Variants in EML4 observed in about 807,000 individuals in gnomAD.
The protein encoded by EML4 is EMAP like 4.
A neutral mutation model predicts 129.0 loss-of-function variants in EML4; 72 were observed. That is an observed-to-expected ratio of 0.56 (90% CI 0.46 to 0.68). The LOEUF (loss-of-function observed/expected upper bound fraction) is 0.68, where lower values mean the gene tolerates loss of function less well. Among genes scored for constraint, EML4 ranks in the 30% least tolerant of loss-of-function variants. The probability of loss-of-function intolerance (pLI) is 0.00; values close to 1 mark genes in which losing one functional copy is unlikely to be tolerated. For missense variants in EML4, 1,363 were observed against 1,190.6 expected, an observed-to-expected ratio of 1.14 and a Z score of -2.13; for synonymous variants, 532 against 405.0, an observed-to-expected ratio of 1.31 and a Z score of -3.77.
At chr2:42,215,561 A>AT (rs1331911671) in intron 1 of EML4, among the ~76,000 whole-genome samples, 17 of 151,992 alleles carry the variant, frequency 1.1e-4, no homozygotes, top group Admixed American at 9.2e-4. Context: ...AAAAAAAAAA[A>AT]TTTTGCAGTG....
intron 1 of EML4, among the ~76,000 whole-genome samples, chr2:42,216,174 C>T (rs1412260227): frequency 6.8e-6 from 1 of 145,994 alleles, no homozygotes; most frequent in Non-Finnish European, 1.5e-5. Flanking sequence ...CCTGCCTCGG[C>T]GTCCCAAACC....
At chr2:42,218,344 A>G (rs773803276) in intron 1 of EML4, among the ~76,000 whole-genome samples, 22 of 152,014 alleles carry the variant, frequency 1.4e-4, no homozygotes, top group Non-Finnish European at 2.9e-5. Flanking sequence ...CTGATTCTAC[A>G]TTATAGTGAG....
chr2:42,238,296 T>A (rs993599113), intron 1 of EML4, among the ~76,000 whole-genome samples: 4 of 152,224 alleles, frequency 2.6e-5, no homozygotes, highest in Admixed American at 2.6e-4. Flanking sequence ...GGTCCTCATT[T>A]TAGAGACTTC....
At chr2:42,293,721 C>T (rs944970846) in intron 11 of EML4, among the ~76,000 whole-genome samples, 2 of 152,190 alleles carry the variant, frequency 1.3e-5, no homozygotes, top group Non-Finnish European at 2.9e-5. Flanking sequence ...AAGCAATTCT[C>T]TGCCTCAGCC....
At chr2:42,315,352 T>A (rs1669186431) in intron 17 of EML4, among the ~76,000 whole-genome samples, 1 of 152,226 alleles carries the variant, frequency 6.6e-6, no homozygotes, top group Non-Finnish European at 1.5e-5. Context: ...ACTTAGTGTC[T>A]TCTTCAAGAA....
At chr2:42,326,832 A>C (rs1056935619) in intron 21 of EML4, among the ~76,000 whole-genome samples, 1 of 152,176 alleles carries the variant, frequency 6.6e-6, no homozygotes, top group African/African-American at 2.4e-5. Context: ...CAGTGAGCTG[A>C]GATTGTGCCA....
chr2:42,318,879 A>T (rs7588929), intron 19 of EML4, among the ~76,000 whole-genome samples: 91,401 of 151,616 alleles, frequency 0.6, 28,840 homozygotes, highest in African/African-American at 0.79. Flanking sequence ...TCACTTTTTT[A>T]ATTTTTCATA....
chr2:42,264,611 C>T (rs35132936), intron 5 of EML4, 95 bp from the exon 6 acceptor site: 227,418 of 749,756 alleles, frequency 0.3, 38,175 homozygotes, highest in East Asian at 0.56. Flanking sequence ...AGATTATAGC[C>T]TAAGCATTAA....
intron 19 of EML4, among the ~76,000 whole-genome samples, chr2:42,322,637 CAAT>C (rs1179559321): frequency 6.6e-6 from 1 of 152,304 alleles, no homozygotes; most frequent in Admixed American, 6.5e-5. Context: ...TATTTAATGA[CAAT>C]AATGAAAGGG....
intron 6 of EML4, 64 bp downstream of exon 6, chr2:42,264,795 AAAG>A: frequency 1.4e-6 from 2 of 1,429,236 alleles, no homozygotes; most frequent in African/African-American, 1.4e-5. Context: ...TGCTAATTGA[AAAG>A]AATATTTTCA....
intron 1 of EML4, among the ~76,000 whole-genome samples, chr2:42,231,666 A>G (rs954665309): frequency 1.3e-5 from 2 of 151,902 alleles, no homozygotes; most frequent in African/African-American, 4.8e-5. Flanking sequence ...TTATCCCTTT[A>G]TGGCTGGGCA....
intron 1 of EML4, among the ~76,000 whole-genome samples, chr2:42,193,875 A>C (rs991837082): frequency 1.3e-5 from 2 of 152,088 alleles, no homozygotes; most frequent in Non-Finnish European, 2.9e-5. Context: ...TTGTAGAGAC[A>C]GGATCTCACT....
chr2:42,244,386 C>T (rs958782649), intron 1 of EML4, among the ~76,000 whole-genome samples: 1 of 152,102 alleles, frequency 6.6e-6, no homozygotes, highest in African/African-American at 2.4e-5. Flanking sequence ...CATGAGCCAC[C>T]GCGCCCAGCC....
chr2:42,197,549 C>G (rs1322598866), intron 1 of EML4, among the ~76,000 whole-genome samples: 1 of 150,454 alleles, frequency 6.6e-6, no homozygotes, highest in Non-Finnish European at 1.5e-5. Flanking sequence ...ATCAGTAAAT[C>G]CAAAACAATA....
chr2:42,323,575 TAG>T (rs1223856293), intron 19 of EML4, among the ~76,000 whole-genome samples: 2 of 152,176 alleles, frequency 1.3e-5, no homozygotes, highest in Non-Finnish European at 2.9e-5. Flanking sequence ...CTAAAAGAAT[TAG>T]AGTCATTGTT....
chr2:42,315,827 G>A (rs548004416), intron 17 of EML4, 135 bp from the exon 18 acceptor site: 2 of 625,290 alleles, frequency 3.2e-6, no homozygotes, highest in East Asian at 2.8e-5. Context: ...AGGCTGTGGT[G>A]AGCTAGGATC....
At chr2:42,178,983 G>C (rs1258096538) in intron 1 of EML4, among the ~76,000 whole-genome samples, 1 of 152,198 alleles carries the variant, frequency 6.6e-6, no homozygotes, top group Non-Finnish European at 1.5e-5. Context: ...GTGAGAAGCA[G>C]GTTGTCTGCA....
intron 1 of EML4, among the ~76,000 whole-genome samples, chr2:42,197,186 C>T (rs1671942540): frequency 6.6e-6 from 1 of 152,068 alleles, no homozygotes; most frequent in Non-Finnish European, 1.5e-5. Context: ...TCTCAGATTC[C>T]CGAGTGGCTG....
intron 10 of EML4, 132 bp downstream of exon 10, chr2:42,286,511 C>T (rs1425587644): frequency 3.3e-5 from 21 of 640,708 alleles, no homozygotes; most frequent in Non-Finnish European, 5.9e-5. Flanking sequence ...CTATTGCTAA[C>T]ATATTAGCTA....
Sources: allele counts gnomAD v4.1 joint callset (sites outside exome capture counted in the v4.1 genomes callset), GRCh38; gene constraint gnomAD v4.1.1; transcripts MANE v1.5; gene names NCBI Gene and HGNC (gene_info 2026-07-23, HGNC 2026-07-21).